RGS18: variants seen among roughly 807,000 people sequenced by gnomAD.
The protein encoded by RGS18 is regulator of G protein signaling 18, also known as regulator of G-protein signaling 18.
RGS18 carries 22 observed loss-of-function variants against 27.6 expected under a neutral mutation model. The ratio of observed to expected loss-of-function variants is 0.80; its 90% confidence interval spans 0.57 to 1.14. The LOEUF (loss-of-function observed/expected upper bound fraction) is 1.14, where lower values mean the gene tolerates loss of function less well. Among genes scored for constraint, RGS18 ranks in the 50% most tolerant of loss-of-function variants. RGS18 has a pLI of 0.00. For missense variants in RGS18, 299 were observed against 269.6 expected, an observed-to-expected ratio of 1.11 and a Z score of -0.76; for synonymous variants, 89 against 84.6, an observed-to-expected ratio of 1.05 and a Z score of -0.29.
chr1:192,159,404 G>T (rs1408460396), intron 2 of RGS18, 83 bp downstream of exon 2: 2 of 881,912 alleles, frequency 2.3e-6, no homozygotes, highest in Non-Finnish European at 1.8e-6. Context: ...AGGGATTTCT[G>T]ATTTATTGAA....
Position 192,166,591 on chromosome 1 carries a change from A to C in RGS18, c.283+6152A>C, listed in dbSNP as rs191386056. Among the ~76,000 whole-genome samples, 332 of 152,294 alleles carry C rather than the reference A, an allele frequency of 2.2e-3. 4 individuals carry two copies. Among genetic ancestry groups the C allele is most frequent in the African/African-American group, 7.4e-3 (306 of 41,580 alleles). On this transcript the variant is annotated intron_variant, in intron 3 of 4. Coordinates refer to ENST00000367460, the MANE Select transcript of RGS18 (RefSeq NM_130782.3). ...AAGTAAGGACCCGCTTAGAAAAAAAAAATGGATAAACTTAGTGACTTAATC... is the reference window on the plus strand; with the variant it reads ...AAGTAAGGACCCGCTTAGAAAAAAACAATGGATAAACTTAGTGACTTAATC...
chr1:192,171,242 G>T (rs911997089), intron 3 of RGS18, among the ~76,000 whole-genome samples: 3 of 151,826 alleles, frequency 2.0e-5, no homozygotes, highest in Admixed American at 6.6e-5. Flanking sequence ...ATCTTGAAAA[G>T]AATACACTAA....
intron 3 of RGS18, among the ~76,000 whole-genome samples, chr1:192,162,850 AAAC>A (rs933576860): frequency 1.2e-4 from 18 of 152,318 alleles, no homozygotes; most frequent in African/African-American, 3.6e-4. Flanking sequence ...AAAGAAAACA[AAAC>A]AACAACAACA....
At chr1:192,177,261 G>A (rs1656374031) in intron 3 of RGS18, among the ~76,000 whole-genome samples, 1 of 150,682 alleles carries the variant, frequency 6.6e-6, no homozygotes, top group Non-Finnish European at 1.5e-5. Flanking sequence ...CAATTTTGTG[G>A]ATTTTTTTTT....
chr1:192,165,726 TA>T (rs1315760839), intron 3 of RGS18, among the ~76,000 whole-genome samples: 51 of 152,224 alleles, frequency 3.4e-4, no homozygotes, highest in African/African-American at 1.2e-3. Flanking sequence ...TAAAATACTT[TA>T]GAAAATGATC....
intron 3 of RGS18, among the ~76,000 whole-genome samples, chr1:192,167,562 G>A (rs189178876): frequency 2.6e-5 from 4 of 152,056 alleles, no homozygotes; most frequent in Admixed American, 6.5e-5. Context: ...TGGGATTTCA[G>A]AAGCGCACCA....
intron 4 of RGS18, 122 bp downstream of exon 4, chr1:192,181,580 GTAA>G (rs1656457240): frequency 4.7e-6 from 3 of 635,782 alleles, no homozygotes; most frequent in Admixed American, 4.0e-5. Flanking sequence ...TAATTGACAT[GTAA>G]TAATTACACA....
chr1:192,169,479 T>C (rs1656219477), intron 3 of RGS18: 1 of 152,190 alleles, frequency 6.6e-6, no homozygotes, highest in South Asian at 2.1e-4. Context: ...TTGCTTTAAT[T>C]TCTATTTAAA....
chr1:192,170,786 A>C (rs1306562515), intron 3 of RGS18, among the ~76,000 whole-genome samples: 2 of 152,146 alleles, frequency 1.3e-5, no homozygotes, highest in African/African-American at 4.8e-5. Flanking sequence ...AACAATACTT[A>C]TTCAGCTTAT....
intron 4 of RGS18, 128 bp from the exon 5 acceptor site, chr1:192,184,169 A>T: frequency 3.9e-6 from 3 of 774,754 alleles, no homozygotes; most frequent in Non-Finnish European, 4.1e-6. Flanking sequence ...CAGGCTACAC[A>T]CATCCAAACT....
chr1:192,177,425 AATTT>A (rs1448308779), intron 3 of RGS18, among the ~76,000 whole-genome samples: 3 of 151,464 alleles, frequency 2.0e-5, no homozygotes, highest in Non-Finnish European at 4.4e-5. Context: ...ATTTGTTGAT[AATTT>A]ATTTTAGTAT....
intron 3 of RGS18, among the ~76,000 whole-genome samples, chr1:192,173,544 G>A (rs1475087488): frequency 1.3e-5 from 2 of 151,702 alleles, no homozygotes; most frequent in Admixed American, 6.6e-5. Context: ...TTTCTTAAAT[G>A]TTTGATGGAA....
intron 4 of RGS18, among the ~76,000 whole-genome samples, chr1:192,182,663 T>C (rs557175033): frequency 6.6e-6 from 1 of 151,642 alleles, no homozygotes; most frequent in Non-Finnish European, 1.5e-5. Flanking sequence ...AAAAGTACAA[T>C]TAGAGTCACT....
chr1:192,177,090 T>C (rs1026752470), intron 3 of RGS18, among the ~76,000 whole-genome samples: 4 of 151,796 alleles, frequency 2.6e-5, no homozygotes, highest in African/African-American at 4.8e-5. Flanking sequence ...TACCTTTTCA[T>C]ATGACCAAAG....
At position 192,174,703 on chromosome 1, in the gene RGS18, G is replaced by T. The variant is rs146923710; in HGVS notation, c.284-6589G>T. Among the ~76,000 whole-genome samples, 685 of 151,904 alleles carry T rather than the reference G, an allele frequency of 4.5e-3. 5 individuals are homozygous for T. The highest frequency in any genetic ancestry group is 0.015 in the African/African-American group (631 of 41,530). On this transcript the variant is annotated intron_variant, in intron 3 of 4. Transcript: ENST00000367460. ...AAGTTACTTTTTCAAGCCATGTGAA[G>T]ATTTTTTTGTTCAGATTTCTTATGC...
chr1:192,162,532 C>T (rs1460819835), intron 3 of RGS18, among the ~76,000 whole-genome samples: 2 of 152,148 alleles, frequency 1.3e-5, no homozygotes, highest in African/African-American at 4.8e-5. Context: ...ATCCACCCAT[C>T]TAGGCCTCCC....
intron 3 of RGS18, among the ~76,000 whole-genome samples, chr1:192,164,513 A>G (rs959000303): frequency 6.6e-6 from 1 of 152,198 alleles, no homozygotes; most frequent in Non-Finnish European, 1.5e-5. Flanking sequence ...AAATTAAAAA[A>G]AAAATGAGTA....
intron 3 of RGS18, 30 bp from the exon 4 acceptor site, chr1:192,181,262 T>A (rs1401232325): frequency 2.2e-5 from 27 of 1,224,436 alleles, no homozygotes; most frequent in Non-Finnish European, 2.7e-5. Flanking sequence ...TAATACCATT[T>A]TATAGTTATA....
intron 3 of RGS18, among the ~76,000 whole-genome samples, chr1:192,167,617 C>A (rs1398370779): frequency 2.0e-5 from 3 of 152,074 alleles, no homozygotes; most frequent in African/African-American, 7.2e-5. Flanking sequence ...GACAGGGTTT[C>A]ACCATGTTGG....
Sources: allele counts gnomAD v4.1 joint callset (sites outside exome capture counted in the v4.1 genomes callset), GRCh38; gene constraint gnomAD v4.1.1; transcripts MANE v1.5; gene names NCBI Gene and HGNC (gene_info 2026-07-23, HGNC 2026-07-21).